Variants in SLC14A2 observed in about 807,000 individuals in gnomAD.
The protein encoded by SLC14A2 is solute carrier family 14 member 2.
In SLC14A2, 91 loss-of-function variants were observed where a neutral mutation model predicts 104.6. That is an observed-to-expected ratio of 0.87 (90% CI 0.73 to 1.04). The LOEUF (loss-of-function observed/expected upper bound fraction) is 1.04, where lower values mean the gene tolerates loss of function less well. SLC14A2 is among the 50% of genes least tolerant of loss of function. The pLI, the probability that SLC14A2 is intolerant of heterozygous loss-of-function variation, is 0.00. For synonymous variants in SLC14A2, 476 were observed against 466.4 expected (o/e 1.02, Z -0.27); for missense variants, 1,189 against 1,156.0 (o/e 1.03, Z -0.41).
intron 1 of SLC14A2, among the ~76,000 whole-genome samples, chr18:45,445,138 G>C (rs1034835584): frequency 1.4e-5 from 2 of 138,122 alleles, no homozygotes; most frequent in Admixed American, 1.5e-4. Context: ...TTAAGACGGA[G>C]TCTTGCTCTG....
intron 2 of SLC14A2, among the ~76,000 whole-genome samples, chr18:45,592,642 A>G (rs1220705847): frequency 6.6e-6 from 1 of 152,202 alleles, no homozygotes; most frequent in Admixed American, 6.5e-5. Context: ...TTGCACAGCC[A>G]AAAGGTACAG....
chr18:45,504,138 G>C (rs2043245059), intron 2 of SLC14A2, among the ~76,000 whole-genome samples: 1 of 152,180 alleles, frequency 6.6e-6, no homozygotes, highest in African/African-American at 2.4e-5. Context: ...TGTGGCTACA[G>C]TTCATGACTG....
At position 45,682,673 on chromosome 18, in the gene SLC14A2, T is replaced by C. The variant is rs1433468182; in HGVS notation, c.*154T>C. The C allele has an allele frequency of 1.5e-6, 1 of 648,508 alleles. No homozygotes were observed. The highest frequency in any genetic ancestry group is 2.8e-6 in the Non-Finnish European group (1 of 358,702). 40.2% of individuals were successfully genotyped at this position (648,508 alleles called of 1,614,324 possible). ...TGTATGTAGTCACCATTCCAGAACC[T>C]CTCTTTTCTAAGATGCACAACACTT... On this transcript the variant is annotated 3_prime_UTR_variant, in exon 20 of 20. Transcript: ENST00000255226.
chr18:45,365,519 C>T (rs568111898), intron 1 of SLC14A2, among the ~76,000 whole-genome samples: 1 of 152,340 alleles, frequency 6.6e-6, no homozygotes, highest in Admixed American at 6.5e-5. Flanking sequence ...ATGCCAAACA[C>T]AAAGAAAATT....
intron 1 of SLC14A2, among the ~76,000 whole-genome samples, chr18:45,338,959 TAG>T (rs1392809705): frequency 6.6e-6 from 1 of 151,346 alleles, no homozygotes; most frequent in Admixed American, 6.6e-5. Flanking sequence ...TTTCTTGAGA[TAG>T]AGTCTTGCTC....
At chr18:45,354,412 A>C (rs1160104639) in intron 1 of SLC14A2, among the ~76,000 whole-genome samples, 1 of 152,200 alleles carries the variant, frequency 6.6e-6, no homozygotes, top group Non-Finnish European at 1.5e-5. Context: ...GCTGTGACCC[A>C]TTCCTCCGCT....
chr18:45,169,951 A>T, the SLC14A2 span, among the ~76,000 whole-genome samples: 1,567 of 152,262 alleles, frequency 0.01, 36 homozygotes, highest in African/African-American at 0.036. Flanking sequence ...CCTAAAAAGA[A>T]CTAAGTATCT....
At chr18:45,675,683 TTC>T (rs1568006147) in intron 18 of SLC14A2, among the ~76,000 whole-genome samples, 5 of 105,004 alleles carry the variant, frequency 4.8e-5, no homozygotes, top group Non-Finnish European at 9.2e-5. Context: ...CCCAGCTAAT[TTC>T]TATATATATA....
intron 1 of SLC14A2, among the ~76,000 whole-genome samples, chr18:45,315,213 GT>G (rs1329037893): frequency 6.6e-6 from 1 of 152,184 alleles, no homozygotes; most frequent in Non-Finnish European, 1.5e-5. Context: ...CATTGGAGTA[GT>G]GGGACAAGGG....
chr18:45,526,025 A>G (rs1424200987), intron 2 of SLC14A2, among the ~76,000 whole-genome samples: 1 of 152,258 alleles, frequency 6.6e-6, no homozygotes, highest in East Asian at 1.9e-4. Flanking sequence ...AATGGTAAAT[A>G]AAAGCATCAT....
chr18:45,260,356 A>G (rs2084523181), intron 1 of SLC14A2, among the ~76,000 whole-genome samples: 1 of 152,210 alleles, frequency 6.6e-6, no homozygotes, highest in Admixed American at 6.5e-5. Context: ...ACAGGAAGAA[A>G]GATCTTACAG....
rs147141268 is a variant in SLC14A2, at chr18:45,550,663, A to C, written c.-35+67341A>C. On this transcript the variant is annotated intron_variant, in intron 2 of 20. Transcript: ENST00000586448. ...GCTCTCGACAGAGAGTGTGCACTAT[A>C]CTGAATTCTGGCAATTTCATTGACA... is the stretch of plus-strand genomic sequence containing the variant. 2.4e-3 allele frequency among the ~76,000 whole-genome samples: 371 copies of C among 152,342 alleles called. 2 individuals are homozygous for C. Among genetic ancestry groups the C allele is most frequent in the African/African-American group, 8.4e-3 (350 of 41,598 alleles).
chr18:45,606,519 G>A (rs924515715), intron 2 of SLC14A2, among the ~76,000 whole-genome samples: 3 of 152,028 alleles, frequency 2.0e-5, no homozygotes, highest in Non-Finnish European at 4.4e-5. Flanking sequence ...ACCCACCACT[G>A]TATTCTAGGA....
chr18:45,394,267 G>A (rs780159565), intron 1 of SLC14A2, among the ~76,000 whole-genome samples: 3 of 152,098 alleles, frequency 2.0e-5, no homozygotes, highest in Non-Finnish European at 4.4e-5. Flanking sequence ...ATTGTCATCA[G>A]TTCACTACTT....
At chr18:45,422,133 A>T (rs950765346) in intron 1 of SLC14A2, among the ~76,000 whole-genome samples, 2 of 152,218 alleles carry the variant, frequency 1.3e-5, no homozygotes, top group Admixed American at 1.3e-4. Flanking sequence ...AGGGAGCTAT[A>T]GCAGGTTTCT....
intron 1 of SLC14A2, among the ~76,000 whole-genome samples, chr18:45,327,233 A>G (rs1469242652): frequency 7.0e-6 from 1 of 142,168 alleles, no homozygotes; most frequent in East Asian, 2.0e-4. Flanking sequence ...TAGGAGCCAT[A>G]ATGTAATTAG....
At chr18:45,194,122 G>A in the SLC14A2 span, among the ~76,000 whole-genome samples, 251 of 152,250 alleles carry the variant, frequency 1.6e-3, no homozygotes, top group Non-Finnish European at 2.8e-3. Flanking sequence ...ATTTTCTCCA[G>A]AAATGATCAT....
intron 1 of SLC14A2, among the ~76,000 whole-genome samples, chr18:45,619,068 T>C (rs1599073018): frequency 6.6e-6 from 1 of 152,354 alleles, no homozygotes; most frequent in Non-Finnish European, 1.5e-5. Context: ...ACAGTCTGGT[T>C]CTCACACCCT....
At chr18:45,460,649 T>C (rs1394124062) in intron 1 of SLC14A2, among the ~76,000 whole-genome samples, 1 of 152,224 alleles carries the variant, frequency 6.6e-6, no homozygotes, top group Non-Finnish European at 1.5e-5. Context: ...AAATTAGTAA[T>C]AATGGGCCCT....
Sources: allele counts gnomAD v4.1 joint callset (sites outside exome capture counted in the v4.1 genomes callset), GRCh38; gene constraint gnomAD v4.1.1; transcripts MANE v1.5; gene names NCBI Gene and HGNC (gene_info 2026-07-23, HGNC 2026-07-21).